PIGN: variants seen among roughly 807,000 people sequenced by gnomAD.
PIGN encodes GPI ethanolamine phosphate transferase 1.
In PIGN, 117 loss-of-function variants were observed where a neutral mutation model predicts 125.4. The ratio of observed to expected loss-of-function variants is 0.93; its 90% CI spans 0.80 to 1.09. The LOEUF (loss-of-function observed/expected upper bound fraction) is 1.09. PIGN is among the 50% of genes least tolerant of loss of function. PIGN has a pLI of 0.00. For synonymous variants in PIGN, 392 were observed against 377.8 expected, an observed-to-expected ratio of 1.04 and a Z score of -0.44; for missense variants, 1,075 against 1,094.9, an observed-to-expected ratio of 0.98 and a Z score of 0.26.
chr18:62,137,513 A>G (rs1204929274), intron 14 of PIGN: 3 of 160,320 alleles, frequency 1.9e-5, no homozygotes, highest in East Asian at 3.5e-4. Flanking sequence ...TGTCTCCCAG[A>G]ATTCTAGAGC....
exon 24 of PIGN, chr18:62,017,673 A>G (rs558373156): frequency 7.2e-5 from 11 of 152,092 alleles, no homozygotes; most frequent in Admixed American, 5.9e-4. Context: ...CATGGCCTTC[A>G]GCTCCATTTT....
intron 16 of PIGN, among the ~76,000 whole-genome samples, chr18:62,110,782 T>C (rs2034844310): frequency 6.6e-6 from 1 of 151,426 alleles, no homozygotes; most frequent in Non-Finnish European, 1.5e-5. Flanking sequence ...ATGGCACATG[T>C]GTACATATGT....
At chr18:62,168,165 C>G (rs1469962956) in intron 1 of PIGN, among the ~76,000 whole-genome samples, 1 of 150,566 alleles carries the variant, frequency 6.6e-6, no homozygotes, top group Non-Finnish European at 1.5e-5. Context: ...GCCTGGACAA[C>G]AAAAGTGAAA....
chr18:62,143,844 T>A (rs1456789413), intron 10 of PIGN, among the ~76,000 whole-genome samples: 3 of 152,240 alleles, frequency 2.0e-5, no homozygotes, highest in African/African-American at 4.8e-5. Flanking sequence ...TATATTGAGT[T>A]ATTATTAAAA....
intron 23 of PIGN, among the ~76,000 whole-genome samples, chr18:62,034,742 T>C (rs2030235508): frequency 6.6e-6 from 1 of 152,174 alleles, no homozygotes; most frequent in East Asian, 1.9e-4. Flanking sequence ...CCTACTGTAT[T>C]TAGGAAGTAA....
chr18:62,035,099 A>T (rs573474692), intron 23 of PIGN, among the ~76,000 whole-genome samples: 1 of 152,066 alleles, frequency 6.6e-6, no homozygotes, highest in South Asian at 2.1e-4. Flanking sequence ...TATAAAGGGG[A>T]GCTCCCCTGC....
chr18:62,123,250 AT>A (rs2035377917), intron 14 of PIGN, among the ~76,000 whole-genome samples: 1 of 152,204 alleles, frequency 6.6e-6, no homozygotes, highest in Non-Finnish European at 1.5e-5. Flanking sequence ...TAAAAATGAA[AT>A]TTAAAAAAAT....
intron 21 of PIGN, among the ~76,000 whole-genome samples, chr18:62,102,017 C>A (rs2034458740): frequency 6.6e-6 from 1 of 151,880 alleles, no homozygotes; most frequent in African/African-American, 2.4e-5. Context: ...CACCTGAGGT[C>A]AGGAGTTCAA....
At chr18:62,124,227 AC>A (rs2035418158) in intron 14 of PIGN, among the ~76,000 whole-genome samples, 1 of 152,194 alleles carries the variant, frequency 6.6e-6, no homozygotes, top group South Asian at 2.1e-4. Context: ...CAAGCATTCC[AC>A]AGAAATACCA....
chr18:62,024,914 G>T (rs2030098196), intron 23 of PIGN, among the ~76,000 whole-genome samples: 2 of 152,192 alleles, frequency 1.3e-5, no homozygotes, highest in African/African-American at 4.8e-5. Context: ...CCATGAATAA[G>T]ACATTGTCCT....
chr18:62,075,748 A>G (rs1181421396), intron 28 of PIGN: 1 of 152,226 alleles, frequency 6.6e-6, no homozygotes, highest in African/African-American at 2.4e-5. Flanking sequence ...GTCATACAAC[A>G]GTAGCATGTT....
intron 14 of PIGN, among the ~76,000 whole-genome samples, chr18:62,115,939 C>T (rs2035071253): frequency 6.6e-6 from 1 of 151,934 alleles, no homozygotes; most frequent in African/African-American, 2.4e-5. Context: ...AAAGCAAGAC[C>T]TCATTTCTAC....
At chr18:62,020,374 T>G (rs578065266) in intron 23 of PIGN, among the ~76,000 whole-genome samples, 1 of 152,244 alleles carries the variant, frequency 6.6e-6, no homozygotes, top group African/African-American at 2.4e-5. Context: ...TCATAATTTA[T>G]AGCATACAAT....
intron 7 of PIGN, among the ~76,000 whole-genome samples, chr18:62,152,401 G>C (rs987044537): frequency 3.9e-5 from 6 of 151,988 alleles, no homozygotes; most frequent in Non-Finnish European, 7.3e-5. Context: ...AATGAGGCAT[G>C]TCCAACACCC....
chr18:62,026,054 T>C (rs1568103356), intron 23 of PIGN, among the ~76,000 whole-genome samples: 2 of 152,166 alleles, frequency 1.3e-5, no homozygotes, highest in Non-Finnish European at 2.9e-5. Context: ...TGAGCCTCCA[T>C]AGCACCCGGG....
intron 25 of PIGN, among the ~76,000 whole-genome samples, chr18:62,086,311 G>A (rs548023388): frequency 3.2e-4 from 48 of 152,128 alleles, no homozygotes; most frequent in Non-Finnish European, 5.3e-4. Context: ...ATAGACTGGT[G>A]GCATATTAAT....
intron 1 of PIGN, among the ~76,000 whole-genome samples, chr18:62,167,188 G>GCTCTCTCTCT (rs148196927): frequency 6.8e-6 from 1 of 147,708 alleles, no homozygotes; most frequent in Non-Finnish European, 1.5e-5. Context: ...GAGCAGGAGC[G>GCTCTCTCTCT]CTCTCTCTCT....
chr18:62,185,092 T>C (rs1183664717), intron 1 of PIGN, among the ~76,000 whole-genome samples: 1 of 152,200 alleles, frequency 6.6e-6, no homozygotes, highest in Non-Finnish European at 1.5e-5. Flanking sequence ...ATTTCTCAAT[T>C]TCCCAATCAT....
chr18:62,060,001 C>T (rs933470604), intron 30 of PIGN, among the ~76,000 whole-genome samples: 3 of 152,162 alleles, frequency 2.0e-5, no homozygotes, highest in Admixed American at 2.0e-4. Flanking sequence ...AATCTAAAGT[C>T]TGTCTATAAA....
Sources: gnomAD v4.1 joint callset for allele counts (sites outside exome capture counted in the v4.1 genomes callset) on GRCh38, gnomAD v4.1.1 for gene constraint, MANE v1.5 for transcripts, NCBI Gene and HGNC (gene_info 2026-07-23, HGNC 2026-07-21) for gene names.